NFIB: variants seen among roughly 807,000 people sequenced by gnomAD.
NFIB encodes nuclear factor 1 B-type.
Under a neutral mutation model 61.5 loss-of-function variants are expected in NFIB, and 11 were observed. That is an observed-to-expected ratio of 0.18 (90% CI 0.11 to 0.30). The LOEUF is 0.30. Ranked by LOEUF, NFIB falls within the 10% of genes least tolerant of loss-of-function variation. NFIB has a pLI of 1.00. For synonymous variants in NFIB, 260 were observed against 216.5 expected, an observed-to-expected ratio of 1.20 and a Z score of -1.76; for missense variants, 471 against 608.9, an observed-to-expected ratio of 0.77 and a Z score of 2.38.
chr9:14,150,457 G>A lies in NFIB; in HGVS notation c.686-192C>T, dbSNP rs139084699. Among the ~76,000 whole-genome samples the A allele has an allele frequency of 2.0e-4, 30 of 152,162 alleles. No individual in the cohort carries two copies. In the East Asian group the frequency reaches 5.6e-3, roughly 28 times the overall value. ...GCTCACCTTAGCAACGTTCAAGCTT[G>A]GAAATTTGAGGCAATCAGATTATAA... On this transcript the variant is annotated intron_variant, in intron 4 of 10. Transcript: ENST00000380953.
At chr9:14,129,724 C>G (rs369922566) in intron 6 of NFIB, among the ~76,000 whole-genome samples, 1 of 152,030 alleles carries the variant, frequency 6.6e-6, no homozygotes, top group Non-Finnish European at 1.5e-5. Context: ...TCTACTGTCC[C>G]TCAAGCAGGA....
intron 7 of NFIB, among the ~76,000 whole-genome samples, chr9:14,122,725 C>T (rs1340993853): frequency 1.3e-5 from 2 of 152,108 alleles, no homozygotes; most frequent in African/African-American, 4.8e-5. Flanking sequence ...ATACATAGTT[C>T]CATCTTGGGT....
chr9:14,195,809 A>T (rs1436621439), intron 2 of NFIB, among the ~76,000 whole-genome samples: 1 of 152,198 alleles, frequency 6.6e-6, no homozygotes, highest in African/African-American at 2.4e-5. Flanking sequence ...GAAAAACACA[A>T]TGACATTGCA....
chr9:14,146,372 A>C (rs2042276879), intron 6 of NFIB, among the ~76,000 whole-genome samples: 1 of 152,144 alleles, frequency 6.6e-6, no homozygotes, highest in Non-Finnish European at 1.5e-5. Context: ...ATCTAATTGA[A>C]TCACAGTTTG....
chr9:14,344,080 C>T (rs942587944), intron 1 of NFIB, among the ~76,000 whole-genome samples: 4 of 144,100 alleles, frequency 2.8e-5, no homozygotes, highest in African/African-American at 1.1e-4. Context: ...ATGCTGAGGA[C>T]CTTTAAAGAG....
intron 1 of NFIB, among the ~76,000 whole-genome samples, chr9:14,354,218 G>T (rs1167652338): frequency 6.6e-6 from 1 of 152,124 alleles, no homozygotes; most frequent in Non-Finnish European, 1.5e-5. Context: ...TGTGAGCAAA[G>T]ATTTTAGTGT....
chr9:14,348,678 G>A (rs2061065204), intron 1 of NFIB, among the ~76,000 whole-genome samples: 1 of 152,234 alleles, frequency 6.6e-6, no homozygotes, highest in Non-Finnish European at 1.5e-5. Context: ...ATGGCTCTGG[G>A]GGTGCCACGC....
the NFIB span, among the ~76,000 whole-genome samples, chr9:14,404,036 A>G: frequency 6.6e-6 from 1 of 152,210 alleles, no homozygotes; most frequent in African/African-American, 2.4e-5. Context: ...AGAAAACCTG[A>G]AAAATAATTT....
chr9:14,475,389 G>C, the NFIB span, among the ~76,000 whole-genome samples: 1 of 152,214 alleles, frequency 6.6e-6, no homozygotes, highest in South Asian at 2.1e-4. Context: ...AGGCTATGGA[G>C]CCTGTGTTTT....
chr9:14,134,742 CAAA>C (rs2040807595), intron 6 of NFIB, among the ~76,000 whole-genome samples: 2 of 151,584 alleles, frequency 1.3e-5, no homozygotes, highest in Non-Finnish European at 2.9e-5. Flanking sequence ...ACTAAAACTA[CAAA>C]AATTAGCTGG....
At chr9:14,409,737 A>G in the NFIB span, among the ~76,000 whole-genome samples, 3 of 152,248 alleles carry the variant, frequency 2.0e-5, no homozygotes, top group Non-Finnish European at 4.4e-5. Flanking sequence ...ACAAACAGCA[A>G]TCACACAAAG....
At chr9:14,095,856 C>A (rs1272230506) in intron 10 of NFIB, among the ~76,000 whole-genome samples, 1 of 152,134 alleles carries the variant, frequency 6.6e-6, no homozygotes, top group Non-Finnish European at 1.5e-5. Flanking sequence ...AAAGATCTTA[C>A]ATGGGCAAAA....
intron 1 of NFIB, among the ~76,000 whole-genome samples, chr9:14,373,114 G>T (rs1443070067): frequency 6.6e-6 from 1 of 152,124 alleles, no homozygotes; most frequent in Non-Finnish European, 1.5e-5. Flanking sequence ...AGAAGCAAAG[G>T]GAACACTGGA....
intron 9 of NFIB, 29 bp from the exon 10 acceptor site, chr9:14,113,110 A>T: frequency 6.5e-7 from 1 of 1,543,454 alleles, no homozygotes; most frequent in Non-Finnish European, 8.7e-7. Context: ...AAACAAAGAT[A>T]AAAATTGTGA....
chr9:14,187,952 C>G (rs549285280), intron 2 of NFIB, among the ~76,000 whole-genome samples: 3 of 152,186 alleles, frequency 2.0e-5, no homozygotes, highest in Non-Finnish European at 2.9e-5. Context: ...ACCCACCCCC[C>G]ACAACAATGG....
intron 9 of NFIB, among the ~76,000 whole-genome samples, chr9:14,114,540 T>G (rs1336583285): frequency 1.3e-5 from 2 of 152,240 alleles, no homozygotes; most frequent in African/African-American, 2.4e-5. Flanking sequence ...TTCTTTTATG[T>G]AGGAGTGGAA....
intron 1 of NFIB, among the ~76,000 whole-genome samples, chr9:14,325,794 T>C (rs1183833897): frequency 2.0e-5 from 3 of 152,088 alleles, no homozygotes; most frequent in Admixed American, 6.5e-5. Flanking sequence ...ATAAAACATA[T>C]ACCATCTTTT....
chr9:14,401,320 T>C (rs139347476), upstream of NFIB, among the ~76,000 whole-genome samples: 5 of 152,326 alleles, frequency 3.3e-5, no homozygotes, highest in African/African-American at 9.6e-5. Flanking sequence ...ATTTTCTAAC[T>C]GAAATCAATC....
chr9:14,253,147 C>T (rs113876211), intron 2 of NFIB, among the ~76,000 whole-genome samples: 84 of 152,302 alleles, frequency 5.5e-4, no homozygotes, highest in African/African-American at 1.9e-3. Context: ...AAATCAGGTG[C>T]TACAGTTAGT....
Sources: allele counts gnomAD v4.1 joint callset (sites outside exome capture counted in the v4.1 genomes callset), GRCh38; gene constraint gnomAD v4.1.1; transcripts MANE v1.5; gene names NCBI Gene and HGNC (gene_info 2026-07-23, HGNC 2026-07-21).